Variants in MOCS1 observed in about 807,000 individuals in gnomAD.
MOCS1 encodes the protein molybdenum cofactor synthesis 1, also known as molybdenum cofactor biosynthesis protein 1.
Under a neutral mutation model 57.6 loss-of-function variants are expected in MOCS1, and 39 were observed. That is an observed-to-expected ratio of 0.68 (90% CI 0.52 to 0.88). The LOEUF (loss-of-function observed/expected upper bound fraction) is 0.88, where lower values mean the gene tolerates loss of function less well. MOCS1 is among the 40% of genes least tolerant of loss of function. The pLI is 0.00. For synonymous variants in MOCS1, 334 were observed against 335.7 expected, an observed-to-expected ratio of 1.00 and a Z score of 0.05; for missense variants, 795 against 831.1, an observed-to-expected ratio of 0.96 and a Z score of 0.53.
At chr6:39,924,422 G>A (rs1235123655) in intron 3 of MOCS1, among the ~76,000 whole-genome samples, 1 of 152,212 alleles carries the variant, frequency 6.6e-6, no homozygotes, top group African/African-American at 2.4e-5. Context: ...GAGCTTTCAC[G>A]CCAGCGAATG....
chr6:39,929,939 CAA>C (rs397948587), intron 1 of MOCS1, among the ~76,000 whole-genome samples: 20,449 of 96,730 alleles, frequency 0.21, 1,480 homozygotes, highest in Middle Eastern at 0.32. Context: ...GAGATTCTCT[CAA>C]AAAAAAAAAA....
At chr6:39,908,942 G>A in intron 10 of MOCS1, 113 bp downstream of exon 10, 1 of 904,898 alleles carries the variant, frequency 1.1e-6, no homozygotes, top group Non-Finnish European at 1.9e-6. Flanking sequence ...AGAAAAACAA[G>A]GATGAGAAAT....
chr6:39,905,751 G>C lies in MOCS1; in HGVS notation c.*606C>G, dbSNP rs1362674165. The C allele has an allele frequency of 2.1e-6, 1 of 471,070 alleles. No individual in the cohort carries two copies. The highest frequency in any genetic ancestry group is 6.9e-5 in the East Asian group (1 of 14,392). 29.2% of individuals were successfully genotyped at this position (471,070 alleles called of 1,614,324 possible). A position where few individuals can be genotyped will look rare whatever the true frequency, so the allele number is the denominator to read the frequency against. ...CAGAGGAAAAGGGGCCAGCAGGACCGGGCAACTGTTAAGCTGAAAGGCTGC... is the reference window on the plus strand; with the variant it reads ...CAGAGGAAAAGGGGCCAGCAGGACCCGGCAACTGTTAAGCTGAAAGGCTGC... On this transcript the variant is annotated 3_prime_UTR_variant, in exon 11 of 11. Coordinates refer to ENST00000340692, the MANE Select transcript of MOCS1 (RefSeq NM_001358530.2).
At chr6:39,931,353 A>G (rs976430292) in intron 1 of MOCS1, among the ~76,000 whole-genome samples, 3 of 151,680 alleles carry the variant, frequency 2.0e-5, no homozygotes, top group African/African-American at 7.3e-5. Context: ...ACAGAGCAGC[A>G]GGGTTATTCG....
intron 1 of MOCS1, among the ~76,000 whole-genome samples, chr6:39,929,503 C>T (rs1562103806): frequency 2.6e-5 from 4 of 152,120 alleles, no homozygotes; most frequent in African/African-American, 9.7e-5. Context: ...GATACCCCCC[C>T]TCAACCCAGT....
intron 4 of MOCS1, among the ~76,000 whole-genome samples, chr6:39,914,974 C>G (rs953085090): frequency 2.0e-5 from 3 of 152,178 alleles, no homozygotes; most frequent in Admixed American, 6.5e-5. Flanking sequence ...CCTGCTCCCC[C>G]TCAGAGTATG....
intron 8 of MOCS1, among the ~76,000 whole-genome samples, chr6:39,911,545 G>A (rs892503747): frequency 6.6e-6 from 1 of 152,110 alleles, no homozygotes; most frequent in Non-Finnish European, 1.5e-5. Context: ...GGAACCTTAC[G>A]CAGCACACTA....
intron 3 of MOCS1, among the ~76,000 whole-genome samples, chr6:39,918,408 T>C (rs1385827899): frequency 6.6e-6 from 1 of 152,260 alleles, no homozygotes; most frequent in Non-Finnish European, 1.5e-5. Context: ...TAAAATCATA[T>C]AATCTTTCTG....
intron 3 of MOCS1, among the ~76,000 whole-genome samples, chr6:39,919,434 G>A (rs1270188100): frequency 6.6e-6 from 1 of 152,068 alleles, no homozygotes; most frequent in African/African-American, 2.4e-5. Flanking sequence ...GTGGCAGTGA[G>A]CCGAGATCGT....
At chr6:39,930,972 T>G (rs1035279673) in intron 1 of MOCS1, among the ~76,000 whole-genome samples, 2 of 152,184 alleles carry the variant, frequency 1.3e-5, no homozygotes, top group Non-Finnish European at 2.9e-5. Flanking sequence ...AGGAACACTG[T>G]TGTGTGCTGT....
rs544488141 is a variant in MOCS1 at position 39,914,045 on chromosome 6, G to A, written c.584-210C>T. ...ACAAAGTGTTGGCTAAATTCAAAAT[G>A]TAATAGTAATAACTGACTACAGTGT... On this transcript the variant is annotated intron_variant, in intron 4 of 10. Transcript: ENST00000340692. Among the ~76,000 whole-genome samples, 5 of 152,354 alleles carry A rather than the reference G, an allele frequency of 3.3e-5. No homozygotes were observed. The East Asian group carries it at 5.8e-4, about 18-fold the overall frequency.
rs760690355 is a variant in MOCS1, at chr6:39,934,407, C to T, written c.11G>A (p.Arg4Gln). ...CCGCCGCAGCATCCGGGACAGTGGC[C>T]GCGCCGCCATGAAGCCTGATACGAG... The part of the protein sequence containing the change: MAA[R>Q]PLSRMLRRLL... The change falls in exon 1 of 11, where the codon CGG (arginine) becomes CAG (glutamine). Residue 4 changes from arginine (R) to glutamine (Q), a missense_variant. This residue lies in a region of MOCS1 where 416 missense variants were observed against 392.4 expected (regional missense o/e 1.06). Coordinates refer to ENST00000340692, the MANE Select transcript of MOCS1 (RefSeq NM_001358530.2). 5.9e-5 allele frequency: 93 copies of T among 1,566,410 alleles called. 1 individual carries two copies. In the African/African-American group the frequency reaches 1.1e-3, roughly 19 times the overall value.
chr6:39,915,225 T>C (rs1437333580), intron 4 of MOCS1, among the ~76,000 whole-genome samples: 5 of 152,134 alleles, frequency 3.3e-5, no homozygotes, highest in African/African-American at 1.2e-4. Context: ...CAGGCCTCCA[T>C]AGAGGAAAGA....
chr6:39,925,803 T>A lies in MOCS1; in HGVS notation c.293A>T (p.Lys98Ile), dbSNP rs1432733346. The A allele has an allele frequency of 6.2e-7, 1 of 1,612,772 alleles. No individual in the cohort carries two copies. The change falls in exon 3 of 11, where the codon AAA becomes ATA. Residue 98 changes from lysine (K) to isoleucine (I), a missense_variant. By Grantham distance (102) the Lys-to-Ile change is moderately radical. Coordinates refer to ENST00000340692, the MANE Select transcript of MOCS1 (RefSeq NM_001358530.2). Reference sequence around the variant, plus strand: ...CTCCTCTGTGGTCAGCAGGTTGGCTTTGGGGGTCAGCGGGACCCCCTCCTC... The same window carrying A: ...CTCCTCTGTGGTCAGCAGGTTGGCTATGGGGGTCAGCGGGACCCCCTCCTC... ...MPEEGVPLTP[K>I]ANLLTTEEIL...
chr6:39,911,749 A>G (rs1053993546), intron 8 of MOCS1, among the ~76,000 whole-genome samples: 1 of 151,984 alleles, frequency 6.6e-6, no homozygotes, highest in African/African-American at 2.4e-5. Context: ...CTCACAGGCT[A>G]TCTAGCCACG....
chr6:39,929,693 C>T lies in MOCS1; in HGVS notation c.124-2238G>A, dbSNP rs150927790. Among the ~76,000 whole-genome samples the T allele has an allele frequency of 5.0e-3, 765 of 152,090 alleles. 6 individuals carry two copies. The highest frequency in any genetic ancestry group is 0.016 in the African/African-American group (675 of 41,492). On this transcript the variant is annotated intron_variant, in intron 1 of 10. Transcript: ENST00000340692. ...TGGTGGTTCACGCCTGGAATCCCAG[C>T]ACTTTGGGAGGCCGAGGAGGGCAGA...
intron 5 of MOCS1, 131 bp downstream of exon 5, chr6:39,913,643 G>T: frequency 8.9e-7 from 1 of 1,117,974 alleles, no homozygotes. Flanking sequence ...GAGAGAAGAG[G>T]TGGAAGGGTG....
At position 39,925,793 on chromosome 6, in the gene MOCS1, C is replaced by A. The variant is rs1167395123; in HGVS notation, c.303G>T (p.Leu101=). ...EGVPLTPKAN[L]LTTEEILTLA... Reference sequence around the variant, plus strand: ...GGGTCAGGATCTCCTCTGTGGTCAGCAGGTTGGCTTTGGGGGTCAGCGGGA... The same window carrying A: ...GGGTCAGGATCTCCTCTGTGGTCAGAAGGTTGGCTTTGGGGGTCAGCGGGA... The change falls in exon 3 of 11, where the codon CTG becomes CTT. Residue 101 remains leucine (L), a synonymous_variant. Coordinates refer to ENST00000340692, the MANE Select transcript of MOCS1 (RefSeq NM_001358530.2). The A allele has an allele frequency of 1.2e-6, 2 of 1,612,832 alleles. No homozygotes were observed. The highest frequency in any genetic ancestry group is 1.7e-6 in the Non-Finnish European group (2 of 1,179,982).
At chr6:39,923,618 T>C (rs1768100208) in intron 3 of MOCS1, among the ~76,000 whole-genome samples, 1 of 152,242 alleles carries the variant, frequency 6.6e-6, no homozygotes, top group African/African-American at 2.4e-5. Context: ...GTTCAGCCCT[T>C]TCCTGGCAGC....
Sources: gnomAD v4.1 joint callset for allele counts (sites outside exome capture counted in the v4.1 genomes callset) on GRCh38, gnomAD v4.1.1 for gene constraint, gnomAD v4.1.1 regional missense constraint, MANE v1.5 for transcripts, NCBI Gene and HGNC (gene_info 2026-07-23, HGNC 2026-07-21) for gene names.